The following STX8 variants were observed in gnomAD, a reference collection of about 807,000 sequenced individuals.
STX8 encodes the protein syntaxin 8, also known as syntaxin-8.
STX8 carries 23 observed loss-of-function variants against 37.5 expected under a neutral mutation model. The ratio of observed to expected loss-of-function variants is 0.61; its 90% CI spans 0.44 to 0.87. The LOEUF (loss-of-function observed/expected upper bound fraction) is 0.87, where lower values mean the gene tolerates loss of function less well. STX8 is among the 40% of genes least tolerant of loss of function. The pLI is 0.00. For missense variants in STX8, 313 were observed against 284.7 expected (o/e 1.10, Z -0.71); for synonymous variants, 115 against 99.1 (o/e 1.16, Z -0.95).
chr17:9,503,572 A>G (rs1904705414), intron 5 of STX8, among the ~76,000 whole-genome samples: 1 of 152,170 alleles, frequency 6.6e-6, no homozygotes, highest in African/African-American at 2.4e-5. Context: ...GGATTTTACT[A>G]TGTTGCCTAG....
chr17:9,459,667 C>T (rs1301342827), intron 6 of STX8, among the ~76,000 whole-genome samples: 1 of 152,174 alleles, frequency 6.6e-6, no homozygotes, highest in Non-Finnish European at 1.5e-5. Flanking sequence ...AGGCACCCAC[C>T]ACGACGTCCA....
At chr17:9,378,348 AC>A (rs1475813219) in intron 7 of STX8, 21 of 505,188 alleles carry the variant, frequency 4.2e-5, no homozygotes, top group Middle Eastern at 5.1e-4. Flanking sequence ...CAACAAAAAA[AC>A]AATGAATGAT....
At chr17:9,360,227 C>CTTTT (rs58213453) in intron 7 of STX8, among the ~76,000 whole-genome samples, 26 of 72,598 alleles carry the variant, frequency 3.6e-4, no homozygotes, top group African/African-American at 1.2e-3. Context: ...AATTAACCGT[C>CTTTT]TTTTTTTTTT....
At position 9,424,748 on chromosome 17, in the gene STX8, A is replaced by C. The variant is rs114026693; in HGVS notation, c.542-46095T>G. 5.2e-3 allele frequency among the ~76,000 whole-genome samples: 787 copies of C among 152,316 alleles called. 7 individuals carry two copies. Among genetic ancestry groups the C allele is most frequent in the African/African-American group, 0.018 (755 of 41,554 alleles). On this transcript the variant is annotated intron_variant, in intron 6 of 7. Transcript: ENST00000306357. The stretch of plus-strand genomic sequence containing the variant: ...ATATTTTCTTCAAAAAGTTACAAAC[A>C]GATTTAACTGAGGAATCAATCCAAA...
At chr17:9,553,222 C>T (rs1906838833) in intron 3 of STX8, 1 of 152,188 alleles carries the variant, frequency 6.6e-6, no homozygotes, top group Admixed American at 6.5e-5. Context: ...CTCAAAGAAA[C>T]ACTGTGAACA....
At chr17:9,393,051 A>C (rs929147058) in intron 6 of STX8, among the ~76,000 whole-genome samples, 1 of 152,244 alleles carries the variant, frequency 6.6e-6, no homozygotes, top group African/African-American at 2.4e-5. Flanking sequence ...GCCACAACAC[A>C]TCATATCCAA....
At chr17:9,354,888 T>C (rs962698000) in intron 7 of STX8, among the ~76,000 whole-genome samples, 1 of 152,176 alleles carries the variant, frequency 6.6e-6, no homozygotes, top group Non-Finnish European at 1.5e-5. Flanking sequence ...TTGTCTTTAC[T>C]TCTCTCCCTT....
At chr17:9,427,924 T>C (rs923807714) in intron 6 of STX8, among the ~76,000 whole-genome samples, 21 of 152,202 alleles carry the variant, frequency 1.4e-4, no homozygotes, top group African/African-American at 4.3e-4. Flanking sequence ...CCTGCTCCTC[T>C]GGCCAAAGAA....
intron 5 of STX8, among the ~76,000 whole-genome samples, chr17:9,495,202 A>G (rs773494518): frequency 1.1e-4 from 16 of 152,132 alleles, no homozygotes; most frequent in Non-Finnish European, 2.1e-4. Flanking sequence ...AACTATACAA[A>G]TGACCTGCCG....
chr17:9,253,345 G>C (rs186664451), intron 7 of STX8, among the ~76,000 whole-genome samples: 1 of 152,112 alleles, frequency 6.6e-6, no homozygotes. Flanking sequence ...CTTCTTGCCA[G>C]AAGCAGAAGA....
intron 6 of STX8, among the ~76,000 whole-genome samples, chr17:9,399,957 T>C (rs1417997321): frequency 1.3e-5 from 2 of 151,958 alleles, no homozygotes; most frequent in Non-Finnish European, 2.9e-5. Flanking sequence ...AAATATTTAA[T>C]GAATAGTTAC....
intron 6 of STX8, among the ~76,000 whole-genome samples, chr17:9,433,259 A>G (rs748069357): frequency 4.6e-5 from 7 of 152,258 alleles, no homozygotes; most frequent in Non-Finnish European, 1.0e-4. Flanking sequence ...TCCTTCACTT[A>G]TGATGAGCTA....
intron 7 of STX8, among the ~76,000 whole-genome samples, chr17:9,311,502 T>C (rs998868793): frequency 5.9e-5 from 9 of 152,234 alleles, no homozygotes; most frequent in Admixed American, 4.6e-4. Context: ...ATCACATTTA[T>C]AGTTAAATAG....
At chr17:9,396,053 G>A (rs948376633) in intron 6 of STX8, among the ~76,000 whole-genome samples, 1 of 151,986 alleles carries the variant, frequency 6.6e-6, no homozygotes, top group African/African-American at 2.4e-5. Flanking sequence ...TTAAAAAAAT[G>A]TAAGCCACAT....
intron 4 of STX8, among the ~76,000 whole-genome samples, chr17:9,532,705 C>G (rs1905866496): frequency 6.6e-6 from 1 of 151,972 alleles, no homozygotes; most frequent in Non-Finnish European, 1.5e-5. Flanking sequence ...ACATTTTGAC[C>G]TAACACTATC....
chr17:9,341,481 G>A (rs901374940), intron 7 of STX8, among the ~76,000 whole-genome samples: 4 of 152,170 alleles, frequency 2.6e-5, no homozygotes, highest in Admixed American at 1.3e-4. Context: ...TCTGTTGCCA[G>A]GCTAGAGTGC....
At chr17:9,417,790 G>C (rs1003848697) in intron 6 of STX8, among the ~76,000 whole-genome samples, 3 of 152,126 alleles carry the variant, frequency 2.0e-5, no homozygotes, top group Non-Finnish European at 4.4e-5. Flanking sequence ...CTATGTAATG[G>C]AACCTCCACG....
intron 6 of STX8, among the ~76,000 whole-genome samples, chr17:9,458,422 T>C (rs1003583144): frequency 6.6e-6 from 1 of 152,100 alleles, no homozygotes; most frequent in Non-Finnish European, 1.5e-5. Context: ...GTGCTGGGAT[T>C]ACAGGCGTGA....
At chr17:9,337,349 AGG>A (rs1910171550) in intron 7 of STX8, among the ~76,000 whole-genome samples, 1 of 151,954 alleles carries the variant, frequency 6.6e-6, no homozygotes, top group Non-Finnish European at 1.5e-5. Context: ...TCAAAATCCT[AGG>A]GACCACTTAC....
Sources: allele counts gnomAD v4.1 joint callset (sites outside exome capture counted in the v4.1 genomes callset), GRCh38; gene constraint gnomAD v4.1.1; transcripts MANE v1.5; gene names NCBI Gene and HGNC (gene_info 2026-07-23, HGNC 2026-07-21).